ERP44: variants seen among roughly 807,000 people sequenced by gnomAD.
The protein encoded by ERP44 is endoplasmic reticulum resident protein 44.
Under a neutral mutation model 53.4 loss-of-function variants are expected in ERP44, and 25 were observed. The observed-to-expected ratio is 0.47, with a 90% CI of 0.34 to 0.65. The LOEUF (loss-of-function observed/expected upper bound fraction) is 0.65. Ranked by LOEUF, ERP44 falls within the 30% of genes least tolerant of loss-of-function variation. The pLI is 0.01. For missense variants in ERP44, 338 were observed against 493.2 expected (o/e 0.69, Z 2.98); for synonymous variants, 145 against 161.2 (o/e 0.90, Z 0.76).
intron 10 of ERP44, chr9:99,999,079 G>C: frequency 1.4e-6 from 1 of 702,768 alleles, no homozygotes; most frequent in East Asian, 2.7e-5. Context: ...TGCAGGGAGC[G>C]CACGGCCGTT....
At chr9:100,078,066 C>T (rs965304464) in intron 1 of ERP44, among the ~76,000 whole-genome samples, 4 of 152,220 alleles carry the variant, frequency 2.6e-5, no homozygotes, top group Non-Finnish European at 5.9e-5. Context: ...CCAGTTACGA[C>T]CATGTGGCCA....
intron 10 of ERP44, among the ~76,000 whole-genome samples, chr9:100,000,965 T>A (rs539833310): frequency 2.4e-4 from 36 of 152,168 alleles, no homozygotes; most frequent in Non-Finnish European, 4.9e-4. Context: ...TGTTTTCTGA[T>A]GTAGGTGTTT....
At chr9:100,025,086 A>G (rs1830638693) in intron 4 of ERP44, among the ~76,000 whole-genome samples, 2 of 152,166 alleles carry the variant, frequency 1.3e-5, no homozygotes, top group South Asian at 4.1e-4. Context: ...ACATAGAAAG[A>G]CCCCATCTCA....
chr9:100,038,322 T>C (rs536722074), intron 4 of ERP44, among the ~76,000 whole-genome samples: 1 of 152,276 alleles, frequency 6.6e-6, no homozygotes, highest in Non-Finnish European at 1.5e-5. Flanking sequence ...TACACAGAGA[T>C]ATAAACAGAA....
intron 11 of ERP44, among the ~76,000 whole-genome samples, chr9:99,983,085 T>C (rs1830164440): frequency 6.6e-6 from 1 of 152,134 alleles, no homozygotes; most frequent in African/African-American, 2.4e-5. Flanking sequence ...GCTAAGAGAA[T>C]TAATGGCATC....
intron 1 of ERP44, among the ~76,000 whole-genome samples, chr9:100,087,181 C>T (rs1826494949): frequency 6.6e-6 from 1 of 151,782 alleles, no homozygotes; most frequent in Non-Finnish European, 1.5e-5. Context: ...AAACACAACT[C>T]CCTCCATAAG....
At chr9:100,038,975 C>G (rs1299660864) in intron 4 of ERP44, among the ~76,000 whole-genome samples, 1 of 152,100 alleles carries the variant, frequency 6.6e-6, no homozygotes, top group Non-Finnish European at 1.5e-5. Flanking sequence ...AATGCATATA[C>G]ATATGTAATG....
intron 10 of ERP44, among the ~76,000 whole-genome samples, chr9:99,986,110 G>T (rs1830194004): frequency 1.3e-5 from 2 of 152,140 alleles, no homozygotes; most frequent in African/African-American, 4.8e-5. Flanking sequence ...TTTCTTCTTT[G>T]TAATATTTCC....
At chr9:100,008,012 T>A (rs1830437722) in intron 8 of ERP44, among the ~76,000 whole-genome samples, 1 of 152,188 alleles carries the variant, frequency 6.6e-6, no homozygotes, top group Non-Finnish European at 1.5e-5. Context: ...CATATAGAGG[T>A]GAACTATGCT....
chr9:100,056,453 G>A (rs1276378093), intron 3 of ERP44, among the ~76,000 whole-genome samples: 1 of 152,208 alleles, frequency 6.6e-6, no homozygotes, highest in African/African-American at 2.4e-5. Flanking sequence ...GGGGATTAAA[G>A]TTGAAAATAA....
chr9:100,069,275 A>T (rs1826272817), intron 1 of ERP44, among the ~76,000 whole-genome samples: 1 of 151,188 alleles, frequency 6.6e-6, no homozygotes, highest in African/African-American at 2.4e-5. Context: ...AGAAACACCC[A>T]AGAATGATCA....
At chr9:100,090,478 G>A (rs182773288) in intron 1 of ERP44, among the ~76,000 whole-genome samples, 2,302 of 152,304 alleles carry the variant, frequency 0.015, 47 homozygotes, top group Non-Finnish European at 0.019. Flanking sequence ...GCCTGGCACA[G>A]TGGCTCACGG....
intron 10 of ERP44, among the ~76,000 whole-genome samples, chr9:99,993,067 T>C (rs1305325198): frequency 7.2e-5 from 11 of 152,128 alleles, no homozygotes. Context: ...AGAATCAATA[T>C]CATAAAAATG....
intron 2 of ERP44, 28 bp from the exon 3 acceptor site, chr9:100,057,887 G>C (rs748795943): frequency 7.3e-6 from 11 of 1,513,460 alleles, no homozygotes; most frequent in Non-Finnish European, 9.1e-6. Context: ...AACCAAATAA[G>C]ATATTTGTAA....
chr9:100,071,836 A>G (rs1038013129), intron 1 of ERP44, among the ~76,000 whole-genome samples: 2 of 152,092 alleles, frequency 1.3e-5, no homozygotes, highest in African/African-American at 4.8e-5. Context: ...CAGGAGAATC[A>G]CTTTAACCCG....
intron 10 of ERP44, chr9:99,999,003 G>C (rs1305111556): frequency 2.6e-6 from 3 of 1,145,936 alleles, no homozygotes; most frequent in Middle Eastern, 5.5e-4. Context: ...ACTGGAAGTA[G>C]TCGTGCGTGG....
chr9:100,045,939 A>C (rs1587973515), intron 4 of ERP44, among the ~76,000 whole-genome samples: 2 of 152,186 alleles, frequency 1.3e-5, no homozygotes, highest in Non-Finnish European at 2.9e-5. Flanking sequence ...AATTTGCAAA[A>C]AAAACCTAAT....
intron 10 of ERP44, among the ~76,000 whole-genome samples, chr9:99,992,420 G>T (rs925845488): frequency 6.6e-6 from 1 of 152,060 alleles, no homozygotes; most frequent in Non-Finnish European, 1.5e-5. Flanking sequence ...AAAAACCACA[G>T]GATTATCTCA....
At position 99,982,186 on chromosome 9, in the gene ERP44, A is replaced by G. The variant is rs1475042828; in HGVS notation, c.*426T>C. 6.5e-6 allele frequency: 1 copy of G among 152,866 alleles called. No homozygotes were observed. Among genetic ancestry groups the G allele is most frequent in the Non-Finnish European group, 1.5e-5 (1 of 68,226 alleles). The allele number at this position is 152,866 out of a possible 1,614,324, so 9.5% of individuals were successfully genotyped here. Reference sequence around the variant, plus strand: ...CCCCTCCCAAGTATCCAGAATGTATATCTCTTTAGCTTTGAGAAATGAGAT... The same window carrying G: ...CCCCTCCCAAGTATCCAGAATGTATGTCTCTTTAGCTTTGAGAAATGAGAT... On this transcript the variant is annotated 3_prime_UTR_variant, in exon 12 of 12. Coordinates refer to ENST00000262455, the MANE Select transcript of ERP44 (RefSeq NM_015051.3).
Sources: gnomAD v4.1 joint callset for allele counts (sites outside exome capture counted in the v4.1 genomes callset) on GRCh38, gnomAD v4.1.1 for gene constraint, MANE v1.5 for transcripts, NCBI Gene and HGNC (gene_info 2026-07-23, HGNC 2026-07-21) for gene names.